Variants in NUBPL observed in about 807,000 individuals in gnomAD.
The protein encoded by NUBPL is NUBP iron-sulfur cluster assembly factor, mitochondrial.
NUBPL carries 31 observed loss-of-function variants against 45.7 expected under a neutral mutation model. The observed-to-expected ratio is 0.68, with a 90% CI of 0.51 to 0.92. NUBPL has a LOEUF of 0.92. Among genes scored for constraint, NUBPL ranks in the 40% least tolerant of loss-of-function variants. The probability of loss-of-function intolerance (pLI) is 0.00; values close to 1 mark genes in which losing one functional copy is unlikely to be tolerated. For missense variants in NUBPL, 401 were observed against 398.7 expected, an observed-to-expected ratio of 1.01 and a Z score of -0.05; for synonymous variants, 144 against 140.9, an observed-to-expected ratio of 1.02 and a Z score of -0.15.
At chr14:31,741,259 G>T (rs1289834500) in intron 6 of NUBPL, among the ~76,000 whole-genome samples, 1 of 152,166 alleles carries the variant, frequency 6.6e-6, no homozygotes, top group African/African-American at 2.4e-5. Flanking sequence ...GGGGCAGGGG[G>T]AATATTCTGT....
intron 4 of NUBPL, among the ~76,000 whole-genome samples, chr14:31,668,315 G>A (rs1231300735): frequency 6.6e-6 from 1 of 152,194 alleles, no homozygotes; most frequent in Non-Finnish European, 1.5e-5. Flanking sequence ...GCACTGTGGT[G>A]GGTTTCACCC....
At chr14:31,707,774 G>C (rs1405202315) in intron 6 of NUBPL, among the ~76,000 whole-genome samples, 1 of 152,238 alleles carries the variant, frequency 6.6e-6, no homozygotes, top group Non-Finnish European at 1.5e-5. Context: ...GAAAGTTCAA[G>C]AGATCTAGAG....
intron 4 of NUBPL, among the ~76,000 whole-genome samples, chr14:31,623,519 A>G (rs2035123730): frequency 6.6e-6 from 1 of 152,098 alleles, no homozygotes; most frequent in South Asian, 2.1e-4. Flanking sequence ...CAAGGGCAGG[A>G]CCTGATGGAA....
intron 9 of NUBPL, among the ~76,000 whole-genome samples, chr14:31,847,728 GTTA>G (rs113435175): frequency 0.1 from 15,371 of 152,192 alleles, 937 homozygotes; most frequent in Non-Finnish European, 0.14. Context: ...AACATTCTCT[GTTA>G]TAATTAAGTT....
chr14:31,615,182 T>C (rs117459220), intron 4 of NUBPL, among the ~76,000 whole-genome samples: 9,598 of 151,888 alleles, frequency 0.063, 412 homozygotes, highest in Non-Finnish European at 0.091. Context: ...GCACTTCCCC[T>C]CTCTCTCTCT....
At chr14:31,583,524 G>C (rs1472707552) in intron 3 of NUBPL, among the ~76,000 whole-genome samples, 1 of 152,194 alleles carries the variant, frequency 6.6e-6, no homozygotes, top group African/African-American at 2.4e-5. Context: ...ACAGGATACT[G>C]ATCCTAATCT....
chr14:31,815,479 A>G (rs939512288), intron 7 of NUBPL, among the ~76,000 whole-genome samples: 7 of 152,202 alleles, frequency 4.6e-5, no homozygotes, highest in African/African-American at 1.4e-4. Flanking sequence ...TGTCATCTGC[A>G]AACAAAGACA....
chr14:31,619,905 A>T (rs989936234), intron 4 of NUBPL, among the ~76,000 whole-genome samples: 15 of 152,124 alleles, frequency 9.9e-5, no homozygotes, highest in African/African-American at 3.4e-4. Flanking sequence ...TTTCCCTGTC[A>T]TGTTCAAGTA....
intron 6 of NUBPL, among the ~76,000 whole-genome samples, chr14:31,760,126 A>AGTGTGTGTGTGTGTGTGT (rs147699444): frequency 0.056 from 1,657 of 29,720 alleles, 467 homozygotes; most frequent in Middle Eastern, 0.34. Flanking sequence ...TTCTGACTTT[A>AGTGTGTGTGTGTGTGTGT]GTGTGTGTGT....
intron 6 of NUBPL, among the ~76,000 whole-genome samples, chr14:31,677,717 C>T (rs1323330395): frequency 6.6e-6 from 1 of 152,198 alleles, no homozygotes. Flanking sequence ...GACACAAGCA[C>T]CCCTGTGTCC....
intron 4 of NUBPL, among the ~76,000 whole-genome samples, chr14:31,643,795 G>A (rs752567130): frequency 4.0e-5 from 6 of 151,898 alleles, no homozygotes; most frequent in African/African-American, 1.4e-4. Context: ...TTTGGTGGGA[G>A]ACTCTTTATT....
chr14:31,588,043 A>G (rs1595327334), intron 3 of NUBPL, among the ~76,000 whole-genome samples: 1 of 152,310 alleles, frequency 6.6e-6, no homozygotes, highest in Admixed American at 6.5e-5. Flanking sequence ...CATTGAGTAC[A>G]TACTTTCTGC....
rs572006884 is a variant in NUBPL at position 31,832,755 on chromosome 14, G to A, written c.693+6041G>A. 5.3e-5 allele frequency among the ~76,000 whole-genome samples: 8 copies of A among 152,298 alleles called. No homozygotes were observed. The East Asian group carries it at 1.5e-3, about 29-fold the overall frequency. ...TTTTGCATAGTAGTGAAGAGCATGA[G>A]CTGAGGAGTTTGAATTGTAGATCCC... On this transcript the variant is annotated intron_variant, in intron 8 of 10. Transcript: ENST00000281081.
intron 7 of NUBPL, among the ~76,000 whole-genome samples, chr14:31,808,416 CTCTG>C (rs1566573861): frequency 1.3e-5 from 2 of 152,074 alleles, no homozygotes; most frequent in East Asian, 1.9e-4. Context: ...CGATTTGGCT[CTCTG>C]TCTGTTATTT....
intron 8 of NUBPL, among the ~76,000 whole-genome samples, chr14:31,831,518 T>TACCATACCATACC (rs1555342410): frequency 0.048 from 2,892 of 60,622 alleles, 94 homozygotes; most frequent in African/African-American, 0.08. Context: ...CATACCATAC[T>TACCATACCATACC]ATACTCATAC....
intron 7 of NUBPL, among the ~76,000 whole-genome samples, chr14:31,811,502 TCA>T (rs1330024234): frequency 6.6e-6 from 1 of 152,200 alleles, no homozygotes; most frequent in Non-Finnish European, 1.5e-5. Context: ...CACTGTTTAT[TCA>T]GTTAGCCATT....
chr14:31,666,263 A>ATATATATATATTTATTTATT, intron 4 of NUBPL, among the ~76,000 whole-genome samples: 40 of 111,852 alleles, frequency 3.6e-4, no homozygotes, highest in East Asian at 1.3e-3. Context: ...ATATATATAT[A>ATATATATATATTTATTTATT]ATTTTATTTT....
chr14:31,632,277 T>A (rs141935570), intron 4 of NUBPL, among the ~76,000 whole-genome samples: 1 of 152,302 alleles, frequency 6.6e-6, no homozygotes, highest in African/African-American at 2.4e-5. Flanking sequence ...TATCCAAATC[T>A]GAGAGAGAGT....
chr14:31,693,800 T>TA (rs60070958), intron 6 of NUBPL, among the ~76,000 whole-genome samples: 264 of 94,590 alleles, frequency 2.8e-3, no homozygotes, highest in South Asian at 0.017. Flanking sequence ...AAGACAAAAT[T>TA]AAAAAAAAAA....
Sources: allele counts gnomAD v4.1 joint callset (sites outside exome capture counted in the v4.1 genomes callset), GRCh38; gene constraint gnomAD v4.1.1; transcripts MANE v1.5; gene names NCBI Gene and HGNC (gene_info 2026-07-23, HGNC 2026-07-21).